Variants in RPN2 observed in about 807,000 individuals in gnomAD.
RPN2 encodes dolichyl-diphosphooligosaccharide--protein glycosyltransferase subunit 2.
RPN2 carries 29 observed loss-of-function variants against 71.4 expected under a neutral mutation model. The observed-to-expected ratio is 0.41, with a 90% confidence interval of 0.30 to 0.55. The LOEUF (loss-of-function observed/expected upper bound fraction) is 0.55. RPN2 is among the 20% of genes least tolerant of loss of function. RPN2 has a pLI of 0.35. For synonymous variants in RPN2, 308 were observed against 305.0 expected, an observed-to-expected ratio of 1.01 and a Z score of -0.10; for missense variants, 726 against 774.1, an observed-to-expected ratio of 0.94 and a Z score of 0.74.
At chr20:37,205,945 T>C (rs1219035894) in intron 6 of RPN2, among the ~76,000 whole-genome samples, 1 of 152,224 alleles carries the variant, frequency 6.6e-6, no homozygotes, top group East Asian at 1.9e-4. Context: ...GCTGGAGTAA[T>C]TTCGCTGTCA....
At chr20:37,238,464 C>A in intron 16 of RPN2, 1 of 1,584,952 alleles carries the variant, frequency 6.3e-7, no homozygotes, top group Non-Finnish European at 8.6e-7. Flanking sequence ...AGATGAAGGG[C>A]GGACTCATCC....
intron 7 of RPN2, 21 bp downstream of exon 7, chr20:37,207,470 G>A (rs2067543823): frequency 6.2e-7 from 1 of 1,612,374 alleles, no homozygotes; most frequent in East Asian, 2.2e-5. Flanking sequence ...CATGCCCAAA[G>A]TGTGCCCCTC....
chr20:37,186,323 A>G (rs2067009129), intron 2 of RPN2, among the ~76,000 whole-genome samples: 1 of 152,198 alleles, frequency 6.6e-6, no homozygotes, highest in African/African-American at 2.4e-5. Context: ...AGGAGTATGA[A>G]TGTCTTTAGA....
chr20:37,187,179 TTTTTA>T (rs939850789), intron 2 of RPN2, among the ~76,000 whole-genome samples: 1 of 152,188 alleles, frequency 6.6e-6, no homozygotes, highest in Non-Finnish European at 1.5e-5. Context: ...TCCATTTATT[TTTTTA>T]TTTTGATTCT....
chr20:37,235,671 T>C (rs140015310), intron 15 of RPN2, among the ~76,000 whole-genome samples: 1 of 152,306 alleles, frequency 6.6e-6, no homozygotes, highest in African/African-American at 2.4e-5. Context: ...TTTTTTGAGA[T>C]GGAGTCTTGC....
intron 2 of RPN2, among the ~76,000 whole-genome samples, chr20:37,189,566 C>T (rs945547836): frequency 2.9e-4 from 44 of 152,138 alleles, no homozygotes; most frequent in African/African-American, 1.0e-3. Context: ...TGTTTTCTTC[C>T]TGTGTGTGAC....
rs763608737 is a variant in RPN2 at position 37,199,038 on chromosome 20, A to G, written c.304-12A>G. 3.1e-6 allele frequency: 5 copies of G among 1,610,546 alleles called. No individual in the cohort carries two copies. The highest frequency in any genetic ancestry group is 1.1e-5 in the South Asian group (1 of 90,980). ...CTGTTCTAAAACTCTGTGTCTGCCA[A>G]TTCTTTCTTAGATCTCTATTTCAAA... On this transcript the variant is annotated splice_polypyrimidine_tract_variant and intron_variant, in intron 3 of 16. Transcript: ENST00000237530.
intron 9 of RPN2, among the ~76,000 whole-genome samples, chr20:37,218,341 A>G (rs34801760): frequency 0.76 from 114,854 of 151,330 alleles, 44,030 homozygotes; most frequent in Middle Eastern, 0.89. Context: ...TGAGCCCAGG[A>G]GTTTGAGGCT....
intron 9 of RPN2, among the ~76,000 whole-genome samples, chr20:37,217,790 C>T (rs1455328829): frequency 2.0e-5 from 3 of 150,774 alleles, no homozygotes; most frequent in South Asian, 2.1e-4. Context: ...TGCAGTGGCA[C>T]GATCTTGGCT....
intron 11 of RPN2, among the ~76,000 whole-genome samples, chr20:37,227,642 A>C (rs1187120782): frequency 6.6e-6 from 1 of 152,230 alleles, no homozygotes; most frequent in Non-Finnish European, 1.5e-5. Flanking sequence ...CTGCCAACTC[A>C]TTTAATGCTT....
At chr20:37,200,356 T>A (rs199594535) in intron 4 of RPN2, 1 of 30,610 alleles carries the variant, frequency 3.3e-5, no homozygotes, top group Admixed American at 3.6e-4. Context: ...CGGTTGTAAT[T>A]TTTTTTTTTT....
intron 8 of RPN2, among the ~76,000 whole-genome samples, chr20:37,211,881 G>A (rs113179659): frequency 0.023 from 3,434 of 151,970 alleles, 51 homozygotes; most frequent in Middle Eastern, 0.034. Flanking sequence ...GGGATTACAG[G>A]CACCTGCCAC....
chr20:37,205,366 GTC>G (rs1380033000), intron 6 of RPN2, among the ~76,000 whole-genome samples: 1 of 152,076 alleles, frequency 6.6e-6, no homozygotes, highest in Non-Finnish European at 1.5e-5. Context: ...AGGCATGTGT[GTC>G]TATCACACAT....
chr20:37,203,572 G>A (rs1019202325), intron 4 of RPN2, among the ~76,000 whole-genome samples: 10 of 152,010 alleles, frequency 6.6e-5, no homozygotes, highest in Admixed American at 3.9e-4. Flanking sequence ...GAACTCCTGG[G>A]CTCAAGGAAT....
chr20:37,196,341 G>C (rs1417512612), intron 2 of RPN2, among the ~76,000 whole-genome samples: 2 of 152,042 alleles, frequency 1.3e-5, no homozygotes, highest in African/African-American at 2.4e-5. Context: ...TCAGTCTCCC[G>C]CCTCAAGCCT....
At chr20:37,217,890 T>C (rs982678497) in intron 9 of RPN2, among the ~76,000 whole-genome samples, 4 of 151,990 alleles carry the variant, frequency 2.6e-5, no homozygotes, top group African/African-American at 9.7e-5. Context: ...CACGCCACCA[T>C]GCCTGGCTAA....
At chr20:37,213,435 CAA>C (rs1386168555) in intron 8 of RPN2, among the ~76,000 whole-genome samples, 1 of 151,990 alleles carries the variant, frequency 6.6e-6, no homozygotes, top group Non-Finnish European at 1.5e-5. Flanking sequence ...CAAAAAACTG[CAA>C]AATTATCTGG....
At chr20:37,199,329 C>A in intron 4 of RPN2, 104 bp downstream of exon 4, 1 of 1,407,256 alleles carries the variant, frequency 7.1e-7, no homozygotes, top group Non-Finnish European at 9.8e-7. Flanking sequence ...CAAGTACTTG[C>A]AGTAAATACT....
chr20:37,197,918 G>T (rs1483031265), intron 2 of RPN2, among the ~76,000 whole-genome samples: 1 of 152,174 alleles, frequency 6.6e-6, no homozygotes, highest in African/African-American at 2.4e-5. Flanking sequence ...GATTTGTTGA[G>T]CCTGACTTGG....
Sources: gnomAD v4.1 joint callset for allele counts (sites outside exome capture counted in the v4.1 genomes callset) on GRCh38, gnomAD v4.1.1 for gene constraint, MANE v1.5 for transcripts, NCBI Gene and HGNC (gene_info 2026-07-23, HGNC 2026-07-21) for gene names.